PTK2: variants seen among roughly 807,000 people sequenced by gnomAD.
PTK2 encodes focal adhesion kinase 1.
A neutral mutation model predicts 150.1 loss-of-function variants in PTK2; 45 were observed. That is an observed-to-expected ratio of 0.30 (90% confidence interval 0.24 to 0.38). The LOEUF is 0.38. PTK2 is among the 10% of genes least tolerant of loss of function. The pLI is 1.00. For synonymous variants in PTK2, 432 were observed against 449.2 expected (o/e 0.96, Z 0.48); for missense variants, 919 against 1,307.3 (o/e 0.70, Z 4.58).
intron 4 of PTK2, among the ~76,000 whole-genome samples, chr8:140,869,977 T>C (rs2100141597): frequency 1.3e-5 from 2 of 151,676 alleles, no homozygotes; most frequent in Admixed American, 1.3e-4. Flanking sequence ...ATACATTAAA[T>C]GTCACTTTTC....
exon 32 of PTK2, chr8:140,659,394 A>AT: frequency 7.2e-7 from 1 of 1,393,384 alleles, no homozygotes; most frequent in South Asian, 1.3e-5. Context: ...CACAGGGTTA[A>AT]TTCCTCGCTG....
At chr8:140,881,211 C>T (rs553554898) in intron 3 of PTK2, among the ~76,000 whole-genome samples, 9 of 152,140 alleles carry the variant, frequency 5.9e-5, no homozygotes, top group Non-Finnish European at 1.3e-4. Context: ...ATGACAGTAC[C>T]CTACCTACAC....
chr8:140,991,317 T>C (rs1382670825), intron 1 of PTK2, among the ~76,000 whole-genome samples: 2 of 152,196 alleles, frequency 1.3e-5, no homozygotes, highest in African/African-American at 2.4e-5. Flanking sequence ...CCAGGGAGCT[T>C]GTGCCTTAAG....
At chr8:140,836,214 G>A (rs1240776139) in intron 7 of PTK2, among the ~76,000 whole-genome samples, 2 of 152,124 alleles carry the variant, frequency 1.3e-5, no homozygotes, top group African/African-American at 4.8e-5. Context: ...CTTAACTCTT[G>A]TTTATATCAA....
At chr8:140,693,243 T>C (rs371759753) in intron 26 of PTK2, among the ~76,000 whole-genome samples, 1 of 152,030 alleles carries the variant, frequency 6.6e-6, no homozygotes, top group Non-Finnish European at 1.5e-5. Flanking sequence ...GGACAGTATC[T>C]GATCTGGGAA....
chr8:140,694,936 C>T (rs562800599), intron 26 of PTK2, among the ~76,000 whole-genome samples: 5 of 152,306 alleles, frequency 3.3e-5, no homozygotes, highest in East Asian at 3.9e-4. Context: ...GTCAGGGTGG[C>T]CCTCACACTA....
At chr8:140,970,667 C>T (rs2100186901) in intron 1 of PTK2, among the ~76,000 whole-genome samples, 1 of 152,240 alleles carries the variant, frequency 6.6e-6, no homozygotes, top group African/African-American at 2.4e-5. Flanking sequence ...CAACAGCCAC[C>T]TGACAGGTCC....
At chr8:140,959,471 G>A (rs1405739089) in intron 1 of PTK2, among the ~76,000 whole-genome samples, 3 of 150,384 alleles carry the variant, frequency 2.0e-5, no homozygotes, top group African/African-American at 7.4e-5. Flanking sequence ...CCCAGGAGGC[G>A]GAGCTTGCAG....
chr8:140,756,807 T>C lies in PTK2; in HGVS notation c.1332+4358A>G, dbSNP rs576179685. On this transcript the variant is annotated intron_variant, in intron 16 of 31. Transcript: ENST00000522684. ...GATCGACACCATCCTGGCTAACCCG[T>C]TGAAATCCCATCTCTACTAAAAATA... Among the ~76,000 whole-genome samples, 5 of 150,750 alleles carry C rather than the reference T, an allele frequency of 3.3e-5. No homozygotes were observed. The South Asian group carries it at 1.1e-3, about 32-fold the overall frequency.
At chr8:140,784,706 C>T (rs1322419755) in intron 14 of PTK2, among the ~76,000 whole-genome samples, 1 of 152,068 alleles carries the variant, frequency 6.6e-6, no homozygotes, top group African/African-American at 2.4e-5. Flanking sequence ...CACAAGTTTC[C>T]TTATAACTTA....
At chr8:140,890,877 T>C (rs1354684165) in intron 2 of PTK2, 108 bp from the exon 3 acceptor site, 10 of 951,308 alleles carry the variant, frequency 1.1e-5, no homozygotes, top group South Asian at 1.6e-5. Context: ...TGATATGTTA[T>C]ATGCGGAAGG....
rs1027470789 is a variant in PTK2 at position 140,797,687 on chromosome 8, G to A, written c.1093+2772C>T. Among the ~76,000 whole-genome samples the A allele has an allele frequency of 3.3e-5, 5 of 152,154 alleles. No individual in the cohort carries two copies. The South Asian group carries it at 1.0e-3, about 32-fold the overall frequency. ...AAAATTGATTGTATACTTTCTTTCA[G>A]GTAAGGTGTAGGTTAGATAATGCCC... On this transcript the variant is annotated intron_variant, in intron 12 of 31. Transcript: ENST00000522684.
chr8:140,851,773 C>T (rs913160592), intron 5 of PTK2, among the ~76,000 whole-genome samples: 2 of 151,296 alleles, frequency 1.3e-5, no homozygotes, highest in Non-Finnish European at 2.9e-5. Context: ...GAAGGAGAAT[C>T]GCTTGAACCC....
At chr8:140,990,000 G>A (rs1350822832) in intron 1 of PTK2, among the ~76,000 whole-genome samples, 1 of 152,048 alleles carries the variant, frequency 6.6e-6, no homozygotes, top group East Asian at 1.9e-4. Context: ...ATCAAAAGGG[G>A]TGCAGAGGGG....
intron 14 of PTK2, 44 bp from the exon 15 acceptor site, chr8:140,770,843 T>G (rs2100075094): frequency 2.9e-6 from 3 of 1,021,282 alleles, no homozygotes; most frequent in Non-Finnish European, 3.9e-6. Flanking sequence ...TAGAAACAAA[T>G]TATTTCAATA....
chr8:140,919,412 G>A (rs149884819), intron 2 of PTK2, among the ~76,000 whole-genome samples: 13 of 152,254 alleles, frequency 8.5e-5, no homozygotes, highest in African/African-American at 2.2e-4. Flanking sequence ...CAAAGTTCAC[G>A]GTTTTAAAGT....
At chr8:140,759,549 A>G (rs2100068064) in intron 16 of PTK2, among the ~76,000 whole-genome samples, 1 of 150,696 alleles carries the variant, frequency 6.6e-6, no homozygotes, top group Non-Finnish European at 1.5e-5. Context: ...AAAAAAAAAA[A>G]AAAAAGAAAG....
chr8:140,988,666 C>G (rs12334478), intron 1 of PTK2, among the ~76,000 whole-genome samples: 53,552 of 149,248 alleles, frequency 0.36, 11,619 homozygotes, highest in Non-Finnish European at 0.49. Context: ...GAGGCGGAGC[C>G]TGCAGTGAGC....
At chr8:140,914,948 G>A (rs1333726288) in intron 2 of PTK2, among the ~76,000 whole-genome samples, 2 of 141,612 alleles carry the variant, frequency 1.4e-5, no homozygotes, top group Non-Finnish European at 1.5e-5. Context: ...CAGGAGAATC[G>A]CTTGAACCCG....
Sources: allele counts gnomAD v4.1 joint callset (sites outside exome capture counted in the v4.1 genomes callset), GRCh38; gene constraint gnomAD v4.1.1; transcripts MANE v1.5; gene names NCBI Gene and HGNC (gene_info 2026-07-23, HGNC 2026-07-21).